HIVEP2: variants seen among roughly 807,000 people sequenced by gnomAD.
HIVEP2 encodes transcription factor HIVEP2.
In HIVEP2, 14 loss-of-function variants were observed where a neutral mutation model predicts 180.7. The observed-to-expected ratio is 0.08, with a 90% CI of 0.05 to 0.12. The LOEUF (loss-of-function observed/expected upper bound fraction) is 0.12. Among genes scored for constraint, HIVEP2 ranks in the 10% least tolerant of loss-of-function variants. HIVEP2 has a pLI of 1.00. For missense variants in HIVEP2, 2,579 were observed against 3,008.5 expected (o/e 0.86, Z 3.34); for synonymous variants, 1,184 against 1,136.4 (o/e 1.04, Z -0.84).
chr6:142,894,619 G>T (rs1776938033), intron 1 of HIVEP2, among the ~76,000 whole-genome samples: 1 of 152,176 alleles, frequency 6.6e-6, no homozygotes, highest in Non-Finnish European at 1.5e-5. Flanking sequence ...TATGTTTCAA[G>T]ATCACATTTA....
At chr6:142,794,308 A>G (rs960639284) in intron 2 of HIVEP2, among the ~76,000 whole-genome samples, 5 of 152,206 alleles carry the variant, frequency 3.3e-5, no homozygotes, top group Non-Finnish European at 5.9e-5. Context: ...AATGGGGACT[A>G]TTAAATAAGG....
At chr6:142,883,673 T>C (rs1461037625) in intron 1 of HIVEP2, among the ~76,000 whole-genome samples, 1 of 152,200 alleles carries the variant, frequency 6.6e-6, no homozygotes, top group East Asian at 1.9e-4. Flanking sequence ...TATAGTGTGA[T>C]GCTTATGAAA....
At chr6:142,861,576 C>T (rs888575761) in intron 1 of HIVEP2, among the ~76,000 whole-genome samples, 9 of 152,184 alleles carry the variant, frequency 5.9e-5, no homozygotes, top group African/African-American at 2.2e-4. Context: ...TCCCATCCGA[C>T]TGTTGGTAAA....
chr6:142,781,777 C>T (rs1450828652), intron 3 of HIVEP2, among the ~76,000 whole-genome samples: 1 of 152,136 alleles, frequency 6.6e-6, no homozygotes, highest in Admixed American at 6.5e-5. Flanking sequence ...TTTCCCCAGA[C>T]AGGGTCCCAA....
chr6:142,836,823 C>T (rs942742653), intron 2 of HIVEP2, 112 bp downstream of exon 2: 2 of 152,000 alleles, frequency 1.3e-5, no homozygotes, highest in East Asian at 3.8e-4. Flanking sequence ...TTTCAAGAGC[C>T]TCAAATAATT....
Position 142,770,953 on chromosome 6 carries a change from C to T in HIVEP2, c.3786G>A (p.Glu1262=), listed in dbSNP as rs764355553. Residue 1262 remains glutamate (E), a synonymous_variant, in exon 5 of 10, where the codon GAG becomes GAA. Transcript: ENST00000367603. The surrounding 1 kb of genome is among the most constrained non-coding windows in gnomAD (Gnocchi z 4.7). ...ACTCAGCAGGTTTCTTTCCAGTGTG[C>T]TCTGCCACATGCTCTAAGGGATAGC... ...HSSYPLEHVA[E]HTGKKPAEYA... 5.2e-5 allele frequency: 84 copies of T among 1,614,208 alleles called. No homozygotes were observed. The highest frequency in any genetic ancestry group is 7.1e-5 in the Non-Finnish European group (84 of 1,180,034).
At chr6:142,891,229 T>A (rs1249792153) in intron 1 of HIVEP2, among the ~76,000 whole-genome samples, 7 of 152,054 alleles carry the variant, frequency 4.6e-5, no homozygotes, top group African/African-American at 1.7e-4. Flanking sequence ...AGTAAAACCA[T>A]CAGATTAATA....
Position 142,775,144 on chromosome 6 carries a change from CA to C in HIVEP2, c.-387-20del. 1 of 840,632 alleles carries C rather than the reference CA, an allele frequency of 1.2e-6. No individual in the cohort carries two copies. Among genetic ancestry groups the C allele is most frequent in the Non-Finnish European group, 1.4e-6 (1 of 703,276 alleles). The allele number at this position is 840,632 out of a possible 1,614,324, so 52.1% of individuals were successfully genotyped here. On this transcript the variant is annotated intron_variant, in intron 4 of 9. Coordinates refer to ENST00000367603, the MANE Select transcript of HIVEP2 (RefSeq NM_006734.4). ...AAATGATCTGAAGAAAAAGAAAATA[CA>C]AAGAGATTGTCATAACAGTTTCAAA...
At chr6:142,936,566 T>C (rs1035758112) in intron 1 of HIVEP2, among the ~76,000 whole-genome samples, 1 of 152,154 alleles carries the variant, frequency 6.6e-6, no homozygotes, top group Non-Finnish European at 1.5e-5. Flanking sequence ...TTAAAAAATC[T>C]AGTGCTATAA....
At chr6:142,938,493 A>C (rs1411425782) in intron 1 of HIVEP2, among the ~76,000 whole-genome samples, 1 of 152,208 alleles carries the variant, frequency 6.6e-6, no homozygotes, top group African/African-American at 2.4e-5. Context: ...ATTAGACATT[A>C]ATCTCCATTT....
intron 2 of HIVEP2, among the ~76,000 whole-genome samples, chr6:142,823,207 T>G (rs906182608): frequency 1.2e-4 from 19 of 152,138 alleles, no homozygotes; most frequent in Non-Finnish European, 2.2e-4. Flanking sequence ...GAGTCCATAC[T>G]TCCAGGAAAG....
chr6:142,827,462 T>C (rs978468428), intron 2 of HIVEP2, among the ~76,000 whole-genome samples: 2 of 152,242 alleles, frequency 1.3e-5, no homozygotes, highest in African/African-American at 4.8e-5. Flanking sequence ...GTGTTTTGTC[T>C]ATGTACTGGC....
chr6:142,899,790 C>T (rs1276382940), intron 1 of HIVEP2, among the ~76,000 whole-genome samples: 3 of 152,150 alleles, frequency 2.0e-5, no homozygotes, highest in African/African-American at 4.8e-5. Context: ...CTACCACCAC[C>T]GCAGCCATCT....
Position 142,759,904 on chromosome 6 carries a change from G to T in HIVEP2, c.6384C>A (p.Asp2128Glu), listed in dbSNP as rs772642760. 3.1e-6 allele frequency: 5 copies of T among 1,613,996 alleles called. No individual in the cohort carries two copies. The South Asian group carries it at 5.5e-5, about 18-fold the overall frequency. ...ATCTTCTCTCTCTTCTAGGAGAGAG[G>T]TCTCTTCTTGCTGTGATATCTTTCC... ...SPGKDITARR[D>E]LSPRRERRYM... The change falls in exon 9 of 10, where the codon GAC (aspartate) becomes GAA (glutamate). Residue 2128 changes from aspartate to glutamate, a missense_variant. Asp to Glu is a conservative substitution (Grantham distance 45). This residue lies in a region of HIVEP2 where 660 missense variants were observed against 731.7 expected (regional missense o/e 0.90). Coordinates refer to ENST00000367603, the MANE Select transcript of HIVEP2 (RefSeq NM_006734.4).
At position 142,904,275 on chromosome 6, in the gene HIVEP2, C is replaced by A. The variant is rs191055455; in HGVS notation, c.-641+40824G>T. Among the ~76,000 whole-genome samples, 7 of 152,200 alleles carry A rather than the reference C, an allele frequency of 4.6e-5. No homozygotes were observed. The East Asian group carries it at 1.2e-3, about 25-fold the overall frequency. ...CTTATCCTCCCCAAATATTATTTAC[C>A]CATCTGTTTTATACATTTACCTTTA... On this transcript the variant is annotated intron_variant, in intron 1 of 9. Transcript: ENST00000367603.
intron 1 of HIVEP2, among the ~76,000 whole-genome samples, chr6:142,908,252 C>T (rs1777316492): frequency 1.3e-5 from 2 of 152,158 alleles, no homozygotes; most frequent in Admixed American, 6.5e-5. Context: ...ATGTGGTGTT[C>T]CTACTTTCAC....
chr6:142,920,397 T>C (rs906882772), intron 1 of HIVEP2, among the ~76,000 whole-genome samples: 9 of 152,212 alleles, frequency 5.9e-5, no homozygotes, highest in Non-Finnish European at 1.0e-4. Flanking sequence ...CTACCCATGG[T>C]GTCCACTCTT....
chr6:142,900,807 A>T (rs1286031763), intron 1 of HIVEP2, among the ~76,000 whole-genome samples: 1 of 152,130 alleles, frequency 6.6e-6, no homozygotes, highest in Non-Finnish European at 1.5e-5. Flanking sequence ...ACACACATAA[A>T]AATGCGTGGG....
At position 142,769,565 on chromosome 6, in the gene HIVEP2, T is replaced by C. The variant is rs573746906; in HGVS notation, c.5174A>G (p.Lys1725Arg). ...TGKLTSSSAWKQFTQMKPDAS... is the reference protein window; with the variant it reads ...TGKLTSSSAWRQFTQMKPDAS... ...AGTATTTGTTACCTGAGTAAACTGCTTCCAAGCACTTGATGATGTAAGCTT... is the reference window on the plus strand; with the variant it reads ...AGTATTTGTTACCTGAGTAAACTGCCTCCAAGCACTTGATGATGTAAGCTT... Residue 1725 changes from lysine (K) to arginine (R), a missense_variant, in exon 5 of 10, where the codon AAG becomes AGG. By Grantham distance (26) the Lys-to-Arg change is conservative (BLOSUM62 2). Around this residue, in one of 11 missense-constraint regions of HIVEP2, gnomAD observed 349 missense variants for 367.2 expected, o/e 0.95. Transcript: ENST00000367603. 6.2e-7 allele frequency: 1 copy of C among 1,614,056 alleles called. No individual in the cohort carries two copies. The highest frequency in any genetic ancestry group is 1.1e-5 in the South Asian group (1 of 91,066).
Sources: allele counts gnomAD v4.1 joint callset (sites outside exome capture counted in the v4.1 genomes callset), GRCh38; gene constraint gnomAD v4.1.1; regional missense constraint gnomAD v4.1.1; non-coding constraint Gnocchi (gnomAD v3.1); transcripts MANE v1.5; gene names NCBI Gene and HGNC (gene_info 2026-07-23, HGNC 2026-07-21).